Variants in RANBP10 observed in about 807,000 individuals in gnomAD.
RANBP10 encodes RAN binding protein 10.
In RANBP10, 24 loss-of-function variants were observed where a neutral mutation model predicts 72.8. The ratio of observed to expected loss-of-function variants is 0.33; its 90% CI spans 0.24 to 0.46. The LOEUF is 0.46. Among genes scored for constraint, RANBP10 ranks in the 20% least tolerant of loss-of-function variants. RANBP10 has a pLI of 1.00. For synonymous variants in RANBP10, 310 were observed against 322.3 expected, an observed-to-expected ratio of 0.96 and a Z score of 0.41; for missense variants, 679 against 817.5, an observed-to-expected ratio of 0.83 and a Z score of 2.07.
intron 2 of RANBP10, among the ~76,000 whole-genome samples, chr16:67,775,487 C>T (rs1461345380): frequency 2.6e-5 from 4 of 152,060 alleles, no homozygotes; most frequent in Non-Finnish European, 5.9e-5. Flanking sequence ...GAAAGGAAAA[C>T]TATCTCTGTT....
intron 3 of RANBP10, among the ~76,000 whole-genome samples, chr16:67,749,578 C>T (rs1220149976): frequency 6.6e-6 from 1 of 152,244 alleles, no homozygotes; most frequent in Non-Finnish European, 1.5e-5. Context: ...CTCTGAGCAT[C>T]AACTCAGCTC....
chr16:67,803,786 C>G (rs1264785712), intron 2 of RANBP10, among the ~76,000 whole-genome samples: 2 of 148,758 alleles, frequency 1.3e-5, no homozygotes, highest in Middle Eastern at 3.2e-3. Context: ...TGTGATCTTG[C>G]CACTGCACTT....
In RANBP10 at chr16:67,729,623, G is replaced by A. The variant is rs2053682362; in HGVS notation, c.1147+57C>T. On this transcript the variant is annotated intron_variant, in intron 9 of 13. Coordinates refer to ENST00000317506, the MANE Select transcript of RANBP10 (RefSeq NM_020850.3). This position sits in a 1 kb window ranked among gnomAD's most constrained non-coding sequence, Gnocchi z 7.1. ...AGCCCAGCCCAGGAAAGGGTATGTG[G>A]AGTGGCCTCTCTCCTCCACACCAGT... 15 of 1,569,876 alleles carry A rather than the reference G, an allele frequency of 9.6e-6. No homozygotes were observed. The South Asian group carries it at 1.8e-4, about 19-fold the overall frequency.
chr16:67,806,548 C>T lies in RANBP10; in HGVS notation c.-12G>A. The stretch of plus-strand genomic sequence containing the variant: ...GTCGCTGCCGCCATCTTGGAGGGAG[C>T]TACTATTGTGTCACTGGGGGCGGGG... On this transcript the variant is annotated 5_prime_UTR_variant, in exon 1 of 14. Coordinates refer to ENST00000317506, the MANE Select transcript of RANBP10 (RefSeq NM_020850.3). 6.7e-7 allele frequency: 1 copy of T among 1,482,144 alleles called. No individual in the cohort carries two copies. The highest frequency in any genetic ancestry group is 8.9e-7 in the Non-Finnish European group (1 of 1,124,562). 91.8% of individuals were successfully genotyped at this position (1,482,144 alleles called of 1,614,324 possible).
intron 2 of RANBP10, among the ~76,000 whole-genome samples, chr16:67,794,778 C>T (rs2055095247): frequency 6.6e-6 from 1 of 151,222 alleles, no homozygotes; most frequent in Non-Finnish European, 1.5e-5. Flanking sequence ...CTGCCTCAGC[C>T]TCCCAAAGTG....
chr16:67,794,416 G>A (rs2055087835), intron 2 of RANBP10, among the ~76,000 whole-genome samples: 1 of 151,316 alleles, frequency 6.6e-6, no homozygotes, highest in African/African-American at 2.4e-5. Flanking sequence ...CAGCCTGGGT[G>A]ACACAGCGAG....
chr16:67,788,511 C>T (rs1372455620), intron 2 of RANBP10, among the ~76,000 whole-genome samples: 2 of 151,644 alleles, frequency 1.3e-5, no homozygotes, highest in East Asian at 2.0e-4. Context: ...CCCGCCTCGG[C>T]CTCCCAAAGT....
chr16:67,786,560 A>T (rs917486254), intron 2 of RANBP10, among the ~76,000 whole-genome samples: 2 of 152,198 alleles, frequency 1.3e-5, no homozygotes, highest in African/African-American at 4.8e-5. Context: ...CAAGATCCTC[A>T]ACATCACTAG....
At chr16:67,769,733 A>G (rs1291172060) in intron 3 of RANBP10, among the ~76,000 whole-genome samples, 1 of 116,628 alleles carries the variant, frequency 8.6e-6, no homozygotes. Context: ...GCGAAAGAGC[A>G]AGACTCCGTC....
chr16:67,752,977 T>C lies in RANBP10; in HGVS notation c.401-8522A>G, dbSNP rs146598342. 2.0e-4 allele frequency among the ~76,000 whole-genome samples: 31 copies of C among 152,242 alleles called. No individual in the cohort carries two copies. In the East Asian group the frequency reaches 4.8e-3, roughly 24 times the overall value. On this transcript the variant is annotated intron_variant, in intron 3 of 13. Transcript: ENST00000317506. The stretch of plus-strand genomic sequence containing the variant: ...AGGCTGGGCTGGGTGCAGTGGCTCA[T>C]GCCTATAATCCCAGCATTTTGAGAG...
At chr16:67,746,494 A>G (rs1400475584) in intron 3 of RANBP10, among the ~76,000 whole-genome samples, 1 of 152,090 alleles carries the variant, frequency 6.6e-6, no homozygotes, top group Non-Finnish European at 1.5e-5. Flanking sequence ...AATAATAATA[A>G]TAATAAATTA....
chr16:67,773,425 G>A (rs1340979326), intron 2 of RANBP10, among the ~76,000 whole-genome samples: 2 of 152,068 alleles, frequency 1.3e-5, no homozygotes, highest in African/African-American at 4.8e-5. Context: ...CCCTGTCTCA[G>A]GTATTTCTTT....
intron 2 of RANBP10, among the ~76,000 whole-genome samples, chr16:67,776,333 A>G (rs1409323899): frequency 6.7e-6 from 1 of 150,154 alleles, no homozygotes; most frequent in Non-Finnish European, 1.5e-5. Flanking sequence ...GTGGTGGAAC[A>G]TGGCTGTAAA....
intron 2 of RANBP10, among the ~76,000 whole-genome samples, chr16:67,778,192 A>C (rs775013873): frequency 1.8e-4 from 28 of 152,160 alleles, no homozygotes; most frequent in Non-Finnish European, 3.2e-4. Context: ...GCTACTAAAA[A>C]TACAAAACTA....
chr16:67,794,836 A>T (rs1472108551), intron 2 of RANBP10, among the ~76,000 whole-genome samples: 1 of 150,114 alleles, frequency 6.7e-6, no homozygotes, highest in Non-Finnish European at 1.5e-5. Flanking sequence ...AAAAAATCCT[A>T]CATATTCTTT....
chr16:67,771,379 C>T (rs185737854), intron 3 of RANBP10, among the ~76,000 whole-genome samples: 28 of 151,724 alleles, frequency 1.8e-4, no homozygotes, highest in Admixed American at 1.7e-3. Context: ...GGAATCTCAC[C>T]CTGTTGCTCA....
intron 13 of RANBP10, 119 bp downstream of exon 13, chr16:67,727,208 G>T (rs913558413): frequency 3.1e-6 from 3 of 962,692 alleles, no homozygotes; most frequent in Non-Finnish European, 4.6e-6. Flanking sequence ...CACGAAAATT[G>T]CTTAAACCCA....
At chr16:67,779,190 T>C (rs1597897933) in intron 2 of RANBP10, among the ~76,000 whole-genome samples, 1 of 150,380 alleles carries the variant, frequency 6.6e-6, no homozygotes, top group Non-Finnish European at 1.5e-5. Context: ...AGACCAGGAG[T>C]TCGAGATCAG....
chr16:67,799,313 A>C (rs1415276868), intron 2 of RANBP10, among the ~76,000 whole-genome samples: 2 of 133,740 alleles, frequency 1.5e-5, no homozygotes, highest in African/African-American at 5.9e-5. Context: ...TTTGAGACAG[A>C]GTCTCGCTCT....
Sources: allele counts gnomAD v4.1 joint callset (sites outside exome capture counted in the v4.1 genomes callset), GRCh38; gene constraint gnomAD v4.1.1; non-coding constraint Gnocchi (gnomAD v3.1); transcripts MANE v1.5; gene names NCBI Gene and HGNC (gene_info 2026-07-23, HGNC 2026-07-21).